Variants in USP7 observed in about 807,000 individuals in gnomAD.
USP7 encodes the protein ubiquitin specific peptidase 7, also known as ubiquitin C-terminal hydrolase 7.
Under a neutral mutation model 162.9 loss-of-function variants are expected in USP7, and 9 were observed. That is an observed-to-expected ratio of 0.06 (90% CI 0.03 to 0.10). The LOEUF (loss-of-function observed/expected upper bound fraction) is 0.10, where lower values mean the gene tolerates loss of function less well. Ranked by LOEUF, USP7 falls within the 10% of genes least tolerant of loss-of-function variation. The pLI, the probability that USP7 is intolerant of heterozygous loss-of-function variation, is 1.00. For missense variants in USP7, 715 were observed against 1,373.7 expected (o/e 0.52, Z 7.58); for synonymous variants, 562 against 475.9 (o/e 1.18, Z -2.35).
chr16:8,898,515 T>C lies in USP7; in HGVS notation c.2640+16A>G, dbSNP rs769729723. On this transcript the variant is annotated intron_variant, in intron 24 of 30. Coordinates refer to ENST00000344836, the MANE Select transcript of USP7 (RefSeq NM_003470.3). ...TTCTCTTTATGACCCATAGTTACAT[T>C]AATTTGGACTCATACCTGCTGATAG... The C allele has an allele frequency of 1.9e-6, 3 of 1,605,742 alleles. No individual in the cohort carries two copies. The South Asian group carries it at 3.4e-5, about 18-fold the overall frequency.
intron 1 of USP7, 32 bp downstream of exon 1, chr16:8,963,175 C>G: frequency 7.2e-7 from 1 of 1,393,304 alleles, no homozygotes; most frequent in South Asian, 1.3e-5. Context: ...AGGCGCCCCC[C>G]GGCCCCGCCG....
At chr16:8,927,129 T>A (rs1010234559) in intron 2 of USP7, among the ~76,000 whole-genome samples, 1 of 152,092 alleles carries the variant, frequency 6.6e-6, no homozygotes, top group Admixed American at 6.5e-5. Context: ...ACCAGCAGCC[T>A]GGCCAACATA....
chr16:8,922,019 C>A (rs752156575), intron 3 of USP7, among the ~76,000 whole-genome samples: 1 of 152,240 alleles, frequency 6.6e-6, no homozygotes, highest in African/African-American at 2.4e-5. Context: ...GACGCTGACA[C>A]TGGGTATGGA....
intron 5 of USP7, among the ~76,000 whole-genome samples, 156 bp downstream of exon 5, chr16:8,920,203 G>A (rs1431600183): frequency 6.6e-6 from 1 of 152,208 alleles, no homozygotes; most frequent in Non-Finnish European, 1.5e-5. Flanking sequence ...TCTGTTAAAC[G>A]AGTGTCAAGC....
Position 8,904,654 on chromosome 16 carries a change from A to G in USP7, c.1574-89T>C, listed in dbSNP as rs2061830215. ...ATTCTAGGTCATCATTAATAAAATA[A>G]TCTATTAGGCCGGCGTGGTGGCTTA... is the stretch of plus-strand genomic sequence containing the variant. On this transcript the variant is annotated intron_variant, in intron 14 of 30. Transcript: ENST00000344836. The G allele has an allele frequency of 2.6e-6, 4 of 1,547,636 alleles. No homozygotes were observed. In the African/African-American group the frequency reaches 5.5e-5, roughly 21 times the overall value.
intron 10 of USP7, among the ~76,000 whole-genome samples, chr16:8,914,654 T>C (rs1189805505): frequency 6.6e-6 from 1 of 152,142 alleles, no homozygotes; most frequent in Admixed American, 6.5e-5. Context: ...ACATGGCAGC[T>C]CATGTCTAAT....
intron 1 of USP7, among the ~76,000 whole-genome samples, chr16:8,941,892 G>T (rs1366223541): frequency 6.6e-6 from 1 of 152,240 alleles, no homozygotes. Context: ...TCACTAGGAA[G>T]TGGGAGGCAA....
chr16:8,921,740 GCCC>G (rs1453690984), intron 3 of USP7, among the ~76,000 whole-genome samples: 1 of 152,108 alleles, frequency 6.6e-6, no homozygotes, highest in Non-Finnish European at 1.5e-5. Flanking sequence ...TTGCTGTCCT[GCCC>G]CGGCATCGAC....
rs560825587 is a variant in USP7 at position 8,937,228 on chromosome 16, T to C, written c.80-6831A>G. On this transcript the variant is annotated intron_variant, in intron 1 of 30. Coordinates refer to ENST00000344836, the MANE Select transcript of USP7 (RefSeq NM_003470.3). ...TGTCTTTTTTTAAAAAAAAAAGGAT[T>C]AACACGAAACAACGTGTATAAGACA... Among the ~76,000 whole-genome samples the C allele has an allele frequency of 6.0e-4, 90 of 151,248 alleles. 1 individual carries two copies. In the South Asian group the frequency reaches 0.019, roughly 31 times the overall value.
intron 2 of USP7, among the ~76,000 whole-genome samples, chr16:8,924,420 A>G (rs1897880062): frequency 6.6e-6 from 1 of 152,264 alleles, no homozygotes; most frequent in South Asian, 2.1e-4. Context: ...CAGCTCACTG[A>G]CTGGCAGGAG....
intron 11 of USP7, among the ~76,000 whole-genome samples, chr16:8,908,708 T>C (rs2061897770): frequency 6.6e-6 from 1 of 152,250 alleles, no homozygotes; most frequent in South Asian, 2.1e-4. Flanking sequence ...TCTAACTCGA[T>C]GCCCAGCAAT....
At chr16:8,927,461 G>C (rs528213918) in intron 2 of USP7, among the ~76,000 whole-genome samples, 2 of 152,208 alleles carry the variant, frequency 1.3e-5, no homozygotes, top group South Asian at 2.1e-4. Context: ...ACAACTTCTT[G>C]CAAGTCCTAG....
chr16:8,933,629 T>C (rs1220271990), intron 1 of USP7, among the ~76,000 whole-genome samples: 1 of 152,202 alleles, frequency 6.6e-6, no homozygotes. Context: ...CATTTTTTTT[T>C]CCTCAAAGAG....
At chr16:8,899,921 G>T in intron 21 of USP7, 164 bp from the exon 22 acceptor site, 1 of 801,234 alleles carries the variant, frequency 1.2e-6, no homozygotes, top group Non-Finnish European at 2.0e-6. Context: ...AGCTCCCTCT[G>T]TAAGCGAGGC....
In USP7 at chr16:8,963,548, G is replaced by C. The variant is rs1376027943; in HGVS notation, c.-263C>G. Reference sequence around the variant, plus strand: ...GGGCGGCCGGCGGGCCGGGCCGGGCGGCCTCGTCGCTCGCTGCGGCCGCCG... The same window carrying C: ...GGGCGGCCGGCGGGCCGGGCCGGGCCGCCTCGTCGCTCGCTGCGGCCGCCG... On this transcript the variant is annotated 5_prime_UTR_variant, in exon 1 of 31. Coordinates refer to ENST00000344836, the MANE Select transcript of USP7 (RefSeq NM_003470.3). 9.6e-6 allele frequency: 1 copy of C among 104,630 alleles called. No homozygotes were observed. The highest frequency in any genetic ancestry group is 2.0e-5 in the Non-Finnish European group (1 of 49,686). 6.5% of individuals were successfully genotyped at this position (104,630 alleles called of 1,614,324 possible).
chr16:8,938,472 G>C (rs1229146038), intron 1 of USP7, among the ~76,000 whole-genome samples: 2 of 152,268 alleles, frequency 1.3e-5, no homozygotes, highest in East Asian at 3.9e-4. Context: ...CAGCACTGTA[G>C]GAGGCCGAGG....
chr16:8,952,187 C>G (rs940687789), intron 1 of USP7, among the ~76,000 whole-genome samples: 1 of 152,098 alleles, frequency 6.6e-6, no homozygotes, highest in Non-Finnish European at 1.5e-5. Flanking sequence ...GAGTTTGAGG[C>G]TATAGTTAAC....
intron 1 of USP7, among the ~76,000 whole-genome samples, chr16:8,944,900 G>A (rs1311883259): frequency 7.2e-6 from 1 of 138,068 alleles, no homozygotes; most frequent in African/African-American, 3.2e-5. Context: ...ATGAGGTCAG[G>A]AGTTCGAGAT....
chr16:8,900,720 C>G, intron 20 of USP7, 90 bp from the exon 21 acceptor site: 1 of 934,648 alleles, frequency 1.1e-6, no homozygotes, highest in Non-Finnish European at 1.6e-6. Flanking sequence ...AGTATTTTCT[C>G]TACACCCAAT....
Sources: gnomAD v4.1 joint callset for allele counts (sites outside exome capture counted in the v4.1 genomes callset) on GRCh38, gnomAD v4.1.1 for gene constraint, MANE v1.5 for transcripts, NCBI Gene and HGNC (gene_info 2026-07-23, HGNC 2026-07-21) for gene names.